Variants in RAB17 observed in about 807,000 individuals in gnomAD.
The protein encoded by RAB17 is RAB17, member RAS oncogene family.
Under a neutral mutation model 19.3 loss-of-function variants are expected in RAB17, and 15 were observed. That is an observed-to-expected ratio of 0.78 (90% CI 0.52 to 1.20). The LOEUF is 1.20. Ranked by LOEUF, RAB17 falls within the 50% of genes most tolerant of loss-of-function variation. RAB17 has a pLI of 0.00. For synonymous variants in RAB17, 110 were observed against 112.8 expected (o/e 0.97, Z 0.16); for missense variants, 262 against 269.3 (o/e 0.97, Z 0.19).
chr2:237,578,543 G>A lies in RAB17; in HGVS notation c.158-388C>T, dbSNP rs565764432. Reference sequence around the variant, plus strand: ...AACCCCTAGAGCCCTGGGCACCCCCGGCCTACCGGCCCCTCGCCTGCCAGA... The same window carrying A: ...AACCCCTAGAGCCCTGGGCACCCCCAGCCTACCGGCCCCTCGCCTGCCAGA... On this transcript the variant is annotated intron_variant, in intron 2 of 5. Coordinates refer to ENST00000264601, the MANE Select transcript of RAB17 (RefSeq NM_022449.4). 1.2e-4 allele frequency: 21 copies of A among 172,826 alleles called. No individual in the cohort carries two copies. In the East Asian group the frequency reaches 1.7e-3, roughly 14 times the overall value. The allele number at this position is 172,826 out of a possible 1,614,324, so 10.7% of individuals were successfully genotyped here.
chr2:237,585,891 G>GC (rs2081345973), intron 2 of RAB17, 107 bp downstream of exon 2: 16 of 1,247,492 alleles, frequency 1.3e-5, no homozygotes, highest in Non-Finnish European at 1.8e-5. Context: ...CAAGGTCCCA[G>GC]CATGGGGATT....
At chr2:237,576,471 T>C (rs1264048894) in intron 4 of RAB17, 1 of 425,366 alleles carries the variant, frequency 2.4e-6, no homozygotes, top group Non-Finnish European at 4.9e-6. Context: ...AGACTGACGC[T>C]GTCTCCCTTT....
intron 2 of RAB17, among the ~76,000 whole-genome samples, chr2:237,584,106 G>A (rs1398754592): frequency 1.3e-5 from 2 of 152,042 alleles, no homozygotes; most frequent in Non-Finnish European, 2.9e-5. Context: ...GCGCCTCATT[G>A]TCGGGGCCTC....
intron 2 of RAB17, among the ~76,000 whole-genome samples, chr2:237,579,855 T>C (rs2081295521): frequency 6.6e-6 from 1 of 152,114 alleles, no homozygotes; most frequent in African/African-American, 2.4e-5. Flanking sequence ...CCTGGGCTCT[T>C]CTGCCCGCAT....
intron 1 of RAB17, among the ~76,000 whole-genome samples, chr2:237,588,229 T>TA (rs555183967): frequency 7.3e-6 from 1 of 136,230 alleles, no homozygotes; most frequent in South Asian, 2.4e-4. Context: ...TTAACACTGC[T>TA]GCGTCTTGCA....
chr2:237,587,277 T>C (rs1487423129), intron 1 of RAB17, among the ~76,000 whole-genome samples: 1 of 152,202 alleles, frequency 6.6e-6, no homozygotes, highest in Admixed American at 6.5e-5. Flanking sequence ...TCTAATGTTA[T>C]CACTTTGTGT....
chr2:237,579,101 C>T (rs1427850028), intron 2 of RAB17: 1 of 152,134 alleles, frequency 6.6e-6, no homozygotes, highest in Non-Finnish European at 1.5e-5. Context: ...GTGTTATACA[C>T]AGAACTGGAG....
chr2:237,581,279 G>GT (rs2081306642), intron 2 of RAB17, among the ~76,000 whole-genome samples: 1 of 151,770 alleles, frequency 6.6e-6, no homozygotes, highest in African/African-American at 2.4e-5. Flanking sequence ...AGAGGTGGAG[G>GT]TGGAGGCTTG....
chr2:237,577,471 C>T (rs1292652952), intron 3 of RAB17, 89 bp from the exon 4 acceptor site: 7 of 1,432,034 alleles, frequency 4.9e-6, no homozygotes, highest in South Asian at 4.0e-5. Flanking sequence ...TTGCTGATCA[C>T]GTTGTGTAAA....
rs749741693 is a variant in RAB17, at chr2:237,576,583, C to T, written c.435+674G>A. 68 of 471,130 alleles carry T rather than the reference C, an allele frequency of 1.4e-4. 1 individual carries two copies. Among genetic ancestry groups the T allele is most frequent in the South Asian group, 8.4e-4 (54 of 64,572 alleles). 29.2% of individuals were successfully genotyped at this position (471,130 alleles called of 1,614,324 possible). ...TGGGGCCTTTTCTCTTTGGGAGGCG[C>T]GCCCGTCGGTCTAAGCCCTGAGTTG... On this transcript the variant is annotated intron_variant, in intron 4 of 5. Transcript: ENST00000264601.
At chr2:237,577,131 G>A (rs2081270953) in intron 4 of RAB17, 126 bp downstream of exon 4, 2 of 1,168,324 alleles carry the variant, frequency 1.7e-6, no homozygotes, top group Non-Finnish European at 1.2e-6. Context: ...AGGTGTGTGT[G>A]CACATGTGTA....
chr2:237,578,036 C>T lies in RAB17; in HGVS notation c.277G>A (p.Ala93Thr), dbSNP rs200859666. 3.7e-6 allele frequency: 6 copies of T among 1,611,888 alleles called. No homozygotes were observed. Among genetic ancestry groups the T allele is most frequent in the Middle Eastern group, 1.6e-4 (1 of 6,078 alleles). ...GTGATGTCGTACACCAGAAGCGCAG[C>T]GTTGGCACCCCTGAAGTAGAGGTGG... is the stretch of plus-strand genomic sequence containing the variant. ...VCHLYFRGAN[A>T]ALLVYDITRK... The change falls in exon 3 of 6, where the codon GCT becomes ACT. Residue 93 changes from alanine (A) to threonine (T), a missense_variant. Physicochemically the swap from Ala to Thr is moderately conservative, Grantham distance 58 (BLOSUM62 0). Transcript: ENST00000264601.
At chr2:237,584,186 C>A (rs986887908) in intron 2 of RAB17, among the ~76,000 whole-genome samples, 1 of 151,902 alleles carries the variant, frequency 6.6e-6, no homozygotes, top group Non-Finnish European at 1.5e-5. Flanking sequence ...CACACATCAC[C>A]CCCCCACCCC....
chr2:237,585,063 C>A (rs2081339046), intron 2 of RAB17, among the ~76,000 whole-genome samples: 1 of 152,246 alleles, frequency 6.6e-6, no homozygotes, highest in Non-Finnish European at 1.5e-5. Flanking sequence ...AATGGAAGGG[C>A]TCCCTAAATA....
At chr2:237,584,053 T>C (rs1355146616) in intron 2 of RAB17, among the ~76,000 whole-genome samples, 1 of 151,544 alleles carries the variant, frequency 6.6e-6, no homozygotes, top group East Asian at 2.0e-4. Flanking sequence ...GTGAGGGGGA[T>C]GCTCGGACCC....
Position 237,574,756 on chromosome 2 carries a change from G to A in RAB17, c.*263C>T, listed in dbSNP as rs952909423. ...GCCAGGCTGAGGGGGCCACCGTCCA[G>A]GTGGAACAGGCACAGGCATCGGGGA... On this transcript the variant is annotated 3_prime_UTR_variant, in exon 6 of 6. Coordinates refer to ENST00000264601, the MANE Select transcript of RAB17 (RefSeq NM_022449.4). 3.8e-5 allele frequency: 48 copies of A among 1,256,104 alleles called. No individual in the cohort carries two copies. Among genetic ancestry groups the A allele is most frequent in the Non-Finnish European group, 4.8e-5 (45 of 947,050 alleles). The allele number at this position is 1,256,104 out of a possible 1,614,324, so 77.8% of individuals were successfully genotyped here. A position where few individuals can be genotyped will look rare whatever the true frequency, so the allele number is the denominator to read the frequency against.
intron 2 of RAB17, among the ~76,000 whole-genome samples, chr2:237,582,086 T>C (rs2081313102): frequency 2.0e-5 from 3 of 150,274 alleles, no homozygotes. Context: ...TCACTTGGAC[T>C]CCCGTCCCTC....
At chr2:237,577,485 T>C in intron 3 of RAB17, 103 bp from the exon 4 acceptor site, 1 of 1,366,222 alleles carries the variant, frequency 7.3e-7, no homozygotes, top group South Asian at 1.4e-5. Context: ...GTGTAAAATG[T>C]CACAGAATCC....
intron 1 of RAB17, among the ~76,000 whole-genome samples, chr2:237,586,488 GT>G (rs1191826298): frequency 1.4e-5 from 2 of 146,624 alleles, no homozygotes; most frequent in Non-Finnish European, 2.9e-5. Context: ...ATTACTTTCA[GT>G]TTTTACAAAT....
Sources: allele counts gnomAD v4.1 joint callset (sites outside exome capture counted in the v4.1 genomes callset), GRCh38; gene constraint gnomAD v4.1.1; transcripts MANE v1.5; gene names NCBI Gene and HGNC (gene_info 2026-07-23, HGNC 2026-07-21).